The following AGPAT4 variants were observed in gnomAD, a reference collection of about 807,000 sequenced individuals.
AGPAT4 encodes 1-acyl-sn-glycerol-3-phosphate acyltransferase delta.
In AGPAT4, 15 loss-of-function variants were observed where a neutral mutation model predicts 48.0. That is an observed-to-expected ratio of 0.31 (90% CI 0.21 to 0.48). The LOEUF (loss-of-function observed/expected upper bound fraction) is 0.48. Ranked by LOEUF, AGPAT4 falls within the 20% of genes least tolerant of loss-of-function variation. The probability of loss-of-function intolerance (pLI) is 0.99; values close to 1 mark genes in which losing one functional copy is unlikely to be tolerated. For missense variants in AGPAT4, 314 were observed against 482.5 expected (o/e 0.65, Z 3.27); for synonymous variants, 178 against 198.7 (o/e 0.90, Z 0.88).
At position 161,270,455 on chromosome 6, in the gene AGPAT4, G is replaced by C. The variant is rs1783389036; in HGVS notation, c.-90+3483C>G. ...TGAAAGGCGTTTCACCAAAGATTTA[G>C]AGGTCAAACACCATTCAGAAATGTG... On this transcript the variant is annotated intron_variant, in intron 1 of 8. Transcript: ENST00000320285. The surrounding 1 kb of genome is among the most constrained non-coding windows in gnomAD (Gnocchi z 5.3). 6.6e-6 allele frequency among the ~76,000 whole-genome samples: 1 copy of C among 152,072 alleles called. No homozygotes were observed. The highest frequency in any genetic ancestry group is 2.1e-4 in the South Asian group (1 of 4,818).
rs1782914351 is a variant in AGPAT4 at position 161,255,187 on chromosome 6, T to C, written c.-90+18751A>G. The stretch of plus-strand genomic sequence containing the variant: ...ATCCAGTTCTCCTTCATTAGCTCTA[T>C]GATAATGGCTTGACGTAGGTCCAAA... On this transcript the variant is annotated intron_variant, in intron 1 of 8. Transcript: ENST00000320285. The surrounding 1 kb of genome is among the most constrained non-coding windows in gnomAD (Gnocchi z 4.7). Among the ~76,000 whole-genome samples, 1 of 152,206 alleles carries C rather than the reference T, an allele frequency of 6.6e-6. No homozygotes were observed. Among genetic ancestry groups the C allele is most frequent in the South Asian group, 2.1e-4 (1 of 4,826 alleles).
chr6:161,232,058 T>C lies in AGPAT4; in HGVS notation c.156A>G (p.Arg52=), dbSNP rs1369826761. 2.5e-6 allele frequency: 4 copies of C among 1,614,124 alleles called. No homozygotes were observed. Among genetic ancestry groups the C allele is most frequent in the South Asian group, 1.1e-5 (1 of 91,076 alleles). ...NKQLFRKINC[R]LSYCISSQLV... ...TACGGCTTGAGATGCAATAGGACAG[T>C]CTGCAGTTGATCTTCCGGAAGAGCT... Residue 52 remains arginine (R), a synonymous_variant, in exon 2 of 9, where the codon AGA becomes AGG. Transcript: ENST00000320285. This position sits in a 1 kb window ranked among gnomAD's most constrained non-coding sequence, Gnocchi z 6.8.
intron 2 of AGPAT4, among the ~76,000 whole-genome samples, chr6:161,182,129 C>T (rs1780615367): frequency 6.6e-6 from 1 of 152,058 alleles, no homozygotes; most frequent in African/African-American, 2.4e-5. Context: ...CTTGATGACA[C>T]CAGTGCTCAG....
intron 3 of AGPAT4, among the ~76,000 whole-genome samples, chr6:161,156,210 G>T (rs1263280478): frequency 6.6e-6 from 1 of 152,214 alleles, no homozygotes; most frequent in Admixed American, 6.5e-5. Flanking sequence ...GTGTGTACCA[G>T]ATCTTGTATA....
intron 3 of AGPAT4, among the ~76,000 whole-genome samples, chr6:161,157,561 C>T (rs1040259504): frequency 3.3e-5 from 5 of 152,166 alleles, no homozygotes; most frequent in African/African-American, 4.8e-5. Flanking sequence ...GATCTGCCTG[C>T]CTCGGCCTCC....
At position 161,196,428 on chromosome 6, in the gene AGPAT4, T is replaced by TA. The variant is rs1391808888; in HGVS notation, c.179-30012dup. Reference sequence around the variant, plus strand: ...TCAGTGAGGGGTAGGACTGTGGTCCTATCCAGGGTCTGAAATAGGTCTGAA... The same window carrying TA: ...TCAGTGAGGGGTAGGACTGTGGTCCTAATCCAGGGTCTGAAATAGGTCTGAA... On this transcript the variant is annotated intron_variant, in intron 2 of 8. Coordinates refer to ENST00000320285, the MANE Select transcript of AGPAT4 (RefSeq NM_020133.3). The surrounding 1 kb of genome is among the most constrained non-coding windows in gnomAD (Gnocchi z 4.3). 6.6e-6 allele frequency among the ~76,000 whole-genome samples: 1 copy of TA among 152,156 alleles called. No homozygotes were observed. Among genetic ancestry groups the TA allele is most frequent in the Admixed American group, 6.5e-5 (1 of 15,280 alleles).
intron 2 of AGPAT4, among the ~76,000 whole-genome samples, chr6:161,211,212 AC>A (rs930700183): frequency 6.6e-6 from 1 of 152,228 alleles, no homozygotes; most frequent in African/African-American, 2.4e-5. Context: ...TAGGATAAAT[AC>A]TTGTAGACAA....
Position 161,177,895 on chromosome 6 carries a change from G to C in AGPAT4, c.179-11478C>G, listed in dbSNP as rs1780471546. Among the ~76,000 whole-genome samples the C allele has an allele frequency of 6.6e-6, 1 of 152,232 alleles. No homozygotes were observed. Among genetic ancestry groups the C allele is most frequent in the African/African-American group, 2.4e-5 (1 of 41,466 alleles). On this transcript the variant is annotated intron_variant, in intron 2 of 8. Transcript: ENST00000320285. The surrounding 1 kb of genome is among the most constrained non-coding windows in gnomAD (Gnocchi z 5.0). The stretch of plus-strand genomic sequence containing the variant: ...AGTCGGAACCCTCAGCTGCAGGTCT[G>C]TTGGAGTTTGCTGGAAGTCCACTCC...
chr6:161,199,594 T>C (rs556969058), intron 2 of AGPAT4, among the ~76,000 whole-genome samples: 1 of 152,266 alleles, frequency 6.6e-6, no homozygotes, highest in East Asian at 1.9e-4. Flanking sequence ...CCAAATCTCA[T>C]GTGGAACTGT....
intron 1 of AGPAT4, among the ~76,000 whole-genome samples, chr6:161,269,127 G>T (rs879423446): frequency 6.6e-6 from 1 of 152,132 alleles, no homozygotes; most frequent in East Asian, 1.9e-4. Flanking sequence ...GAGTCGATGT[G>T]GGGGGAGCTG....
chr6:161,227,571 G>A (rs896682374), intron 2 of AGPAT4, among the ~76,000 whole-genome samples: 7 of 152,158 alleles, frequency 4.6e-5, no homozygotes, highest in Non-Finnish European at 1.0e-4. Context: ...CCTCTTGCAC[G>A]CACAGCCCTT....
At chr6:161,191,642 T>C (rs778423538) in intron 2 of AGPAT4, among the ~76,000 whole-genome samples, 4 of 152,234 alleles carry the variant, frequency 2.6e-5, no homozygotes, top group Non-Finnish European at 5.9e-5. Flanking sequence ...TGTTGATTAA[T>C]TAGATTAAAA....
At position 161,196,469 on chromosome 6, in the gene AGPAT4, C is replaced by T. The variant is rs9458148; in HGVS notation, c.179-30052G>A. On this transcript the variant is annotated intron_variant, in intron 2 of 8. Transcript: ENST00000320285. The surrounding 1 kb of genome is among the most constrained non-coding windows in gnomAD (Gnocchi z 4.3). ...TAGGTCTGAAGCAACAGAGTTAGGG[C>T]AAAGACTAGAGTTACAAGTCACAGT... 0.018 allele frequency among the ~76,000 whole-genome samples: 2,737 copies of T among 152,026 alleles called. 100 individuals are homozygous for T. Among genetic ancestry groups the T allele is most frequent in the African/African-American group, 0.063 (2,624 of 41,460 alleles).
chr6:161,260,393 C>A (rs1011991037), intron 1 of AGPAT4, among the ~76,000 whole-genome samples: 2 of 152,186 alleles, frequency 1.3e-5, no homozygotes, highest in Non-Finnish European at 2.9e-5. Context: ...GGCACAGTGG[C>A]TCACACCTGT....
In AGPAT4 at chr6:161,150,173, G is replaced by A. The variant is rs541417986; in HGVS notation, c.665-884C>T. On this transcript the variant is annotated intron_variant, in intron 5 of 8. Coordinates refer to ENST00000320285, the MANE Select transcript of AGPAT4 (RefSeq NM_020133.3). The stretch of plus-strand genomic sequence containing the variant: ...AGGATGAAAGAATATAGGAAGGAAC[G>A]AGTGAAGGAACAGAAGAGATAAATG... Among the ~76,000 whole-genome samples the A allele has an allele frequency of 3.9e-5, 6 of 152,262 alleles. No individual in the cohort carries two copies. In the East Asian group the frequency reaches 1.2e-3, roughly 29 times the overall value.
intron 2 of AGPAT4, among the ~76,000 whole-genome samples, chr6:161,230,157 A>G (rs1163105732): frequency 2.0e-5 from 3 of 152,216 alleles, no homozygotes; most frequent in Non-Finnish European, 4.4e-5. Context: ...TATCTCCACA[A>G]TCCTGCCATA....
At chr6:161,268,820 G>A (rs1045237274) in intron 1 of AGPAT4, among the ~76,000 whole-genome samples, 5 of 151,876 alleles carry the variant, frequency 3.3e-5, no homozygotes, top group Admixed American at 1.3e-4. Flanking sequence ...CTTAAGTGGG[G>A]GAAAATAATT....
At position 161,189,882 on chromosome 6, in the gene AGPAT4, C is replaced by T. The variant is rs768840307; in HGVS notation, c.179-23465G>A. 1.3e-4 allele frequency among the ~76,000 whole-genome samples: 20 copies of T among 152,190 alleles called. No individual in the cohort carries two copies. The highest frequency in any genetic ancestry group is 3.1e-4 in the African/African-American group (13 of 41,450). On this transcript the variant is annotated intron_variant, in intron 2 of 8. Coordinates refer to ENST00000320285, the MANE Select transcript of AGPAT4 (RefSeq NM_020133.3). This position sits in a 1 kb window ranked among gnomAD's most constrained non-coding sequence, Gnocchi z 5.3. Reference sequence around the variant, plus strand: ...CTGTCTTATCAGTTCTGAAATGCTCCGTTGGTTCACATTTTAACATGCTGA... The same window carrying T: ...CTGTCTTATCAGTTCTGAAATGCTCTGTTGGTTCACATTTTAACATGCTGA...
chr6:161,131,847 T>C lies in AGPAT4; in HGVS notation c.*4693A>G, dbSNP rs1778910740. On this transcript the variant is annotated 3_prime_UTR_variant, in exon 9 of 9. Transcript: ENST00000320285. ...CAGCCTAAGAAGTCCATCGAGTCCT[T>C]CTCTCAAATTGTACGTCTGTTGTTT... 1 of 152,176 alleles carries C rather than the reference T, an allele frequency of 6.6e-6. No homozygotes were observed. Among genetic ancestry groups the C allele is most frequent in the Non-Finnish European group, 1.5e-5 (1 of 68,024 alleles). The allele number at this position is 152,176 out of a possible 1,614,324, so 9.4% of individuals were successfully genotyped here.
Sources: gnomAD v4.1 joint callset for allele counts (sites outside exome capture counted in the v4.1 genomes callset) on GRCh38, gnomAD v4.1.1 for gene constraint, Gnocchi (gnomAD v3.1) non-coding constraint, MANE v1.5 for transcripts, NCBI Gene and HGNC (gene_info 2026-07-23, HGNC 2026-07-21) for gene names.